The following PPP2R2B variants were observed in gnomAD, a reference collection of about 807,000 sequenced individuals.
The protein encoded by PPP2R2B is serine/threonine-protein phosphatase 2A 55 kDa regulatory subunit B beta isoform.
Under a neutral mutation model 46.0 loss-of-function variants are expected in PPP2R2B, and 5 were observed. The observed-to-expected ratio is 0.11, with a 90% CI of 0.06 to 0.23. PPP2R2B has a LOEUF of 0.23. PPP2R2B is among the 10% of genes least tolerant of loss of function. The probability of loss-of-function intolerance (pLI) is 1.00; values close to 1 mark genes in which losing one functional copy is unlikely to be tolerated. For missense variants in PPP2R2B, 367 were observed against 575.0 expected, an observed-to-expected ratio of 0.64 and a Z score of 3.70; for synonymous variants, 215 against 206.7, an observed-to-expected ratio of 1.04 and a Z score of -0.34.
intron 1 of PPP2R2B, among the ~76,000 whole-genome samples, chr5:146,989,687 C>T (rs529192029): frequency 1.3e-5 from 2 of 152,092 alleles, no homozygotes; most frequent in East Asian, 3.9e-4. Flanking sequence ...AGATCTAGAA[C>T]AACACAAGAA....
At chr5:146,590,754 C>T (rs982268718) in intron 9 of PPP2R2B, among the ~76,000 whole-genome samples, 4 of 152,076 alleles carry the variant, frequency 2.6e-5, no homozygotes, top group Admixed American at 6.5e-5. Context: ...TGCACGAACC[C>T]GGGGCGCGAC....
At chr5:147,011,805 CA>C (rs905470727) in intron 1 of PPP2R2B, among the ~76,000 whole-genome samples, 2,901 of 142,574 alleles carry the variant, frequency 0.02, 125 homozygotes, top group African/African-American at 0.072. Flanking sequence ...TGAATTTTGT[CA>C]AAGGCCTTTT....
At chr5:146,970,465 G>A (rs1218565305) in intron 1 of PPP2R2B, among the ~76,000 whole-genome samples, 3 of 151,994 alleles carry the variant, frequency 2.0e-5, no homozygotes, top group East Asian at 1.9e-4. Flanking sequence ...GCGTGGTGGC[G>A]GGCTTCTGTA....
chr5:146,914,759 T>G (rs1763317411), intron 1 of PPP2R2B, among the ~76,000 whole-genome samples: 1 of 152,234 alleles, frequency 6.6e-6, no homozygotes, highest in African/African-American at 2.4e-5. Context: ...GCCATTTCTT[T>G]GGCTACATAA....
intron 2 of PPP2R2B, among the ~76,000 whole-genome samples, chr5:146,858,935 C>A (rs1760825816): frequency 6.6e-6 from 1 of 152,072 alleles, no homozygotes; most frequent in South Asian, 2.1e-4. Flanking sequence ...TAAAGCACAC[C>A]AAGTTGTTCC....
chr5:146,900,505 T>G (rs1021043736), intron 1 of PPP2R2B, among the ~76,000 whole-genome samples: 1 of 152,082 alleles, frequency 6.6e-6, no homozygotes, highest in African/African-American at 2.4e-5. Flanking sequence ...CTTTCTCCTT[T>G]CCTTTCTCCC....
intron 8 of PPP2R2B, among the ~76,000 whole-genome samples, chr5:146,596,746 G>A (rs1166937868): frequency 6.6e-6 from 1 of 152,162 alleles, no homozygotes; most frequent in Non-Finnish European, 1.5e-5. Context: ...GTGATGTGGA[G>A]CCAAGCCCTG....
chr5:146,649,731 T>C (rs1267860203), intron 6 of PPP2R2B, among the ~76,000 whole-genome samples: 2 of 152,222 alleles, frequency 1.3e-5, no homozygotes, highest in Non-Finnish European at 2.9e-5. Flanking sequence ...ATTATAAGCA[T>C]AAGCCACTGC....
At chr5:146,639,246 G>T (rs944051523) in intron 6 of PPP2R2B, among the ~76,000 whole-genome samples, 2 of 152,130 alleles carry the variant, frequency 1.3e-5, no homozygotes, top group East Asian at 3.9e-4. Context: ...GCTTGTGAGG[G>T]AGTTTTTAAG....
chr5:146,898,200 AC>A (rs1465875062), intron 1 of PPP2R2B, among the ~76,000 whole-genome samples: 1 of 152,154 alleles, frequency 6.6e-6, no homozygotes, highest in African/African-American at 2.4e-5. Context: ...AAACAAACAA[AC>A]AAAAAAAGTA....
chr5:146,875,591 G>A (rs912588431), intron 2 of PPP2R2B, among the ~76,000 whole-genome samples: 4 of 152,022 alleles, frequency 2.6e-5, no homozygotes, highest in African/African-American at 9.7e-5. Flanking sequence ...TGAGCAAACA[G>A]AAGAAAAATT....
chr5:146,694,348 T>A (rs1264425381), intron 4 of PPP2R2B, among the ~76,000 whole-genome samples: 1 of 152,228 alleles, frequency 6.6e-6, no homozygotes, highest in Non-Finnish European at 1.5e-5. Flanking sequence ...GCCATATTTA[T>A]ATAGTCACGT....
At chr5:146,685,528 A>G (rs926194734) in intron 5 of PPP2R2B, among the ~76,000 whole-genome samples, 1 of 152,198 alleles carries the variant, frequency 6.6e-6, no homozygotes, top group African/African-American at 2.4e-5. Context: ...TTTTGGGAAA[A>G]CTAGCTAGTC....
chr5:146,870,480 G>C (rs1447185510), intron 2 of PPP2R2B, among the ~76,000 whole-genome samples: 1 of 152,208 alleles, frequency 6.6e-6, no homozygotes, highest in African/African-American at 2.4e-5. Context: ...TGGGAAGAGA[G>C]AACTCACCAG....
chr5:146,722,054 G>A (rs1386513967), intron 2 of PPP2R2B, among the ~76,000 whole-genome samples: 2 of 152,124 alleles, frequency 1.3e-5, no homozygotes, highest in Non-Finnish European at 2.9e-5. Context: ...TTTTACAGAT[G>A]AGGAAACTGA....
At chr5:146,974,971 G>A (rs1752833825) in intron 1 of PPP2R2B, among the ~76,000 whole-genome samples, 1 of 152,056 alleles carries the variant, frequency 6.6e-6, no homozygotes, top group South Asian at 2.1e-4. Flanking sequence ...CTACAGGCGT[G>A]AACCACCGTG....
At chr5:146,641,307 C>T (rs1775191153) in intron 6 of PPP2R2B, among the ~76,000 whole-genome samples, 1 of 152,106 alleles carries the variant, frequency 6.6e-6, no homozygotes, top group Non-Finnish European at 1.5e-5. Context: ...TCTTTCTCAC[C>T]ATGCCACTCT....
chr5:146,814,505 A>G (rs1313680821), intron 2 of PPP2R2B, among the ~76,000 whole-genome samples: 3 of 152,238 alleles, frequency 2.0e-5, no homozygotes, highest in Non-Finnish European at 4.4e-5. Flanking sequence ...GGCACCCAAT[A>G]GATGGGAAAG....
At chr5:147,027,933 G>T (rs570123063) in intron 1 of PPP2R2B, among the ~76,000 whole-genome samples, 2 of 152,246 alleles carry the variant, frequency 1.3e-5, no homozygotes, top group African/African-American at 4.8e-5. Flanking sequence ...CGTGGTTGGG[G>T]CTTCCAGGAC....
Sources: allele counts gnomAD v4.1 joint callset (sites outside exome capture counted in the v4.1 genomes callset), GRCh38; gene constraint gnomAD v4.1.1; transcripts MANE v1.5; gene names NCBI Gene and HGNC (gene_info 2026-07-23, HGNC 2026-07-21).